TTC7B: variants seen among roughly 807,000 people sequenced by gnomAD.
TTC7B encodes the protein tetratricopeptide repeat protein 7B.
A neutral mutation model predicts 106.8 loss-of-function variants in TTC7B; 28 were observed. The observed-to-expected ratio is 0.26, with a 90% CI of 0.19 to 0.36. The LOEUF (loss-of-function observed/expected upper bound fraction) is 0.36, where lower values mean the gene tolerates loss of function less well. Among genes scored for constraint, TTC7B ranks in the 10% least tolerant of loss-of-function variants. The pLI is 1.00. For missense variants in TTC7B, 862 were observed against 1,076.4 expected (o/e 0.80, Z 2.79); for synonymous variants, 405 against 430.6 (o/e 0.94, Z 0.74).
At chr14:90,677,694 CGTT>C (rs1886894660) in intron 8 of TTC7B, 1 of 360,222 alleles carries the variant, frequency 2.8e-6, no homozygotes, top group Non-Finnish European at 5.4e-6. Context: ...GGCAGGCTGA[CGTT>C]GATCTTCCCC....
chr14:90,549,668 T>A (rs1595149353), intron 19 of TTC7B, among the ~76,000 whole-genome samples: 1 of 151,942 alleles, frequency 6.6e-6, no homozygotes, highest in Non-Finnish European at 1.5e-5. Flanking sequence ...AGGTTGGGGG[T>A]GTGAGTCCTA....
At chr14:90,619,670 G>A (rs1269721652) in intron 15 of TTC7B, among the ~76,000 whole-genome samples, 1 of 152,208 alleles carries the variant, frequency 6.6e-6, no homozygotes. Context: ...GGAAGAAGCT[G>A]TCAAGGCAGG....
At chr14:90,597,320 G>A (rs918760181) in intron 17 of TTC7B, among the ~76,000 whole-genome samples, 29 of 152,058 alleles carry the variant, frequency 1.9e-4, no homozygotes, top group African/African-American at 6.3e-4. Context: ...GGAGGGGGAA[G>A]GAAAAACATC....
intron 9 of TTC7B, among the ~76,000 whole-genome samples, chr14:90,675,683 G>A (rs1886804426): frequency 6.6e-6 from 1 of 152,192 alleles, no homozygotes; most frequent in Non-Finnish European, 1.5e-5. Flanking sequence ...GCACTTATCT[G>A]ATTTCAGCCA....
chr14:90,740,494 CTTTTTTTTTTTT>C (rs71461924), intron 4 of TTC7B, among the ~76,000 whole-genome samples: 2 of 78,314 alleles, frequency 2.6e-5, no homozygotes, highest in South Asian at 1.1e-3. Flanking sequence ...AATTCTTTGA[CTTTTTTTTTTTT>C]TTTTTTTTTT....
At chr14:90,571,616 G>A (rs539978454) in intron 19 of TTC7B, among the ~76,000 whole-genome samples, 3 of 152,308 alleles carry the variant, frequency 2.0e-5, no homozygotes, top group South Asian at 2.1e-4. Flanking sequence ...CTATCATGAA[G>A]TTTTGTTTCC....
intron 7 of TTC7B, among the ~76,000 whole-genome samples, chr14:90,683,976 C>T (rs1887154875): frequency 6.6e-6 from 1 of 152,134 alleles, no homozygotes; most frequent in African/African-American, 2.4e-5. Flanking sequence ...AAGGGCCTGG[C>T]CAGTGCCTGG....
At chr14:90,703,753 C>T (rs1319966766) in intron 5 of TTC7B, among the ~76,000 whole-genome samples, 2 of 152,180 alleles carry the variant, frequency 1.3e-5, no homozygotes, top group African/African-American at 4.8e-5. Context: ...GGAAGGGAGG[C>T]TCTTTGCCAT....
chr14:90,732,011 A>G (rs1413988374), intron 4 of TTC7B, among the ~76,000 whole-genome samples: 1 of 152,182 alleles, frequency 6.6e-6, no homozygotes, highest in African/African-American at 2.4e-5. Context: ...TAAAAAAATC[A>G]CCTCACAATT....
chr14:90,578,815 C>A lies in TTC7B; in HGVS notation c.2108-507G>T, dbSNP rs953039230. On this transcript the variant is annotated intron_variant, in intron 18 of 19. Transcript: ENST00000328459. This position sits in a 1 kb window ranked among gnomAD's most constrained non-coding sequence, Gnocchi z 4.7. ...AGGCTGCAGCTATCATGTTCACAGG[C>A]GTGATGCAAGATGGCTGCCCCGCCA... 6.6e-6 allele frequency among the ~76,000 whole-genome samples: 1 copy of A among 152,084 alleles called. No individual in the cohort carries two copies. Among genetic ancestry groups the A allele is most frequent in the African/African-American group, 2.4e-5 (1 of 41,438 alleles).
chr14:90,672,648 A>G (rs2139919120), intron 9 of TTC7B, among the ~76,000 whole-genome samples: 1 of 152,342 alleles, frequency 6.6e-6, no homozygotes, highest in East Asian at 1.9e-4. Context: ...CAATTGGCCT[A>G]TTCCATTCAC....
At chr14:90,564,201 A>C (rs1366747225) in intron 19 of TTC7B, among the ~76,000 whole-genome samples, 1 of 152,160 alleles carries the variant, frequency 6.6e-6, no homozygotes, top group Admixed American at 6.6e-5. Flanking sequence ...GTTAGCAGGC[A>C]TGAAGATAAC....
intron 1 of TTC7B, among the ~76,000 whole-genome samples, chr14:90,801,778 G>A (rs911659149): frequency 3.3e-5 from 5 of 152,254 alleles, no homozygotes; most frequent in African/African-American, 4.8e-5. Context: ...CTGGAGCGCC[G>A]GGCACGGTGG....
At chr14:90,603,861 G>A (rs953028886) in intron 17 of TTC7B, among the ~76,000 whole-genome samples, 5 of 152,198 alleles carry the variant, frequency 3.3e-5, no homozygotes, top group African/African-American at 9.7e-5. Context: ...CTCTGTGGGA[G>A]GGGGTGGATT....
intron 12 of TTC7B, 121 bp from the exon 13 acceptor site, chr14:90,653,019 G>T: frequency 3.9e-6 from 4 of 1,028,248 alleles, no homozygotes; most frequent in Non-Finnish European, 6.1e-6. Context: ...GAGTGCCTAC[G>T]TGCCCAGTCC....
intron 15 of TTC7B, among the ~76,000 whole-genome samples, chr14:90,620,160 A>G (rs1407638362): frequency 1.3e-5 from 2 of 152,066 alleles, no homozygotes; most frequent in Non-Finnish European, 2.9e-5. Context: ...CTGGGCTTGC[A>G]GAAGCCTGGA....
At chr14:90,590,799 A>C (rs1555378322) in intron 18 of TTC7B, among the ~76,000 whole-genome samples, 1 of 152,244 alleles carries the variant, frequency 6.6e-6, no homozygotes, top group Non-Finnish European at 1.5e-5. Context: ...GAAACAGTCG[A>C]TATGGCACAA....
intron 15 of TTC7B, among the ~76,000 whole-genome samples, chr14:90,634,249 T>A (rs1351039713): frequency 6.6e-6 from 1 of 152,174 alleles, no homozygotes; most frequent in Non-Finnish European, 1.5e-5. Flanking sequence ...TAACTTTTCA[T>A]CCTTTTGTTT....
intron 9 of TTC7B, chr14:90,676,284 C>T (rs982183140): frequency 2.0e-5 from 8 of 393,246 alleles, no homozygotes; most frequent in African/African-American, 1.6e-4. Context: ...CACACACAAA[C>T]TCACAGCCTG....
Sources: gnomAD v4.1 joint callset for allele counts (sites outside exome capture counted in the v4.1 genomes callset) on GRCh38, gnomAD v4.1.1 for gene constraint, Gnocchi (gnomAD v3.1) non-coding constraint, MANE v1.5 for transcripts, NCBI Gene and HGNC (gene_info 2026-07-23, HGNC 2026-07-21) for gene names.